The following CCDC50 variants were observed in gnomAD, a reference collection of about 807,000 sequenced individuals.
CCDC50 encodes coiled-coil domain containing 50, also known as coiled-coil domain-containing protein 50.
A neutral mutation model predicts 70.2 loss-of-function variants in CCDC50; 54 were observed. The observed-to-expected ratio is 0.77, with a 90% CI of 0.62 to 0.96. The LOEUF is 0.96. Among genes scored for constraint, CCDC50 ranks in the 50% least tolerant of loss-of-function variants. The probability of loss-of-function intolerance (pLI) is 0.00; values close to 1 mark genes in which losing one functional copy is unlikely to be tolerated. For missense variants in CCDC50, 558 were observed against 578.7 expected, an observed-to-expected ratio of 0.96 and a Z score of 0.37; for synonymous variants, 216 against 198.8, an observed-to-expected ratio of 1.09 and a Z score of -0.73.
At chr3:191,376,670 T>C (rs1713124093) in intron 6 of CCDC50, among the ~76,000 whole-genome samples, 1 of 152,160 alleles carries the variant, frequency 6.6e-6, no homozygotes, top group Non-Finnish European at 1.5e-5. Flanking sequence ...GCCACAAATA[T>C]CCTTGTCTTA....
At chr3:191,386,095 C>T (rs1211950351) in intron 10 of CCDC50, among the ~76,000 whole-genome samples, 1 of 151,840 alleles carries the variant, frequency 6.6e-6, no homozygotes, top group Non-Finnish European at 1.5e-5. Flanking sequence ...ATTGCCTCGG[C>T]TATGTGGCTC....
In CCDC50 at chr3:191,380,947, G is replaced by A. The variant is rs769610982; in HGVS notation, c.1242+15G>A. ...CCGAGTGGAAGGTAGAGTGTGTTTT[G>A]TTTGTTTTCTAATTAGAAATAAAAT... On this transcript the variant is annotated intron_variant, in intron 9 of 11. Coordinates refer to ENST00000392455, the MANE Select transcript of CCDC50 (RefSeq NM_178335.3). 5 of 1,596,130 alleles carry A rather than the reference G, an allele frequency of 3.1e-6. No individual in the cohort carries two copies. The South Asian group carries it at 4.5e-5, about 14-fold the overall frequency.
chr3:191,355,154 C>G (rs1019040367), intron 1 of CCDC50, among the ~76,000 whole-genome samples: 3 of 152,024 alleles, frequency 2.0e-5, no homozygotes, highest in African/African-American at 7.2e-5. Flanking sequence ...ATTTGAAAAT[C>G]ATTAAGAGTA....
chr3:191,381,726 A>T (rs1018067492), intron 9 of CCDC50, among the ~76,000 whole-genome samples: 1 of 152,106 alleles, frequency 6.6e-6, no homozygotes, highest in Non-Finnish European at 1.5e-5. Context: ...AATTCGTACA[A>T]TACAGGGTTT....
chr3:191,338,256 C>T (rs542515994), intron 1 of CCDC50, among the ~76,000 whole-genome samples: 2 of 152,280 alleles, frequency 1.3e-5, no homozygotes, highest in East Asian at 1.9e-4. Context: ...GTAGCATCTT[C>T]CCACCAAATA....
intron 1 of CCDC50, among the ~76,000 whole-genome samples, chr3:191,350,443 A>C (rs1286366537): frequency 7.0e-6 from 1 of 142,462 alleles, no homozygotes; most frequent in Non-Finnish European, 1.6e-5. Context: ...AGGTGAAAGA[A>C]ATAGCCTCTA....
chr3:191,336,608 C>T (rs1244821751), intron 1 of CCDC50, among the ~76,000 whole-genome samples: 3 of 152,016 alleles, frequency 2.0e-5, no homozygotes, highest in African/African-American at 7.2e-5. Flanking sequence ...CTTTTAAAAA[C>T]CTTAGTTCAA....
intron 10 of CCDC50, 77 bp from the exon 11 acceptor site, chr3:191,389,419 C>A: frequency 3.2e-6 from 4 of 1,236,892 alleles, no homozygotes; most frequent in Non-Finnish European, 4.8e-6. Flanking sequence ...ATGTTTTTAG[C>A]TTGCAATCCA....
At chr3:191,386,136 T>G (rs1356915720) in intron 10 of CCDC50, among the ~76,000 whole-genome samples, 1 of 152,148 alleles carries the variant, frequency 6.6e-6, no homozygotes, top group East Asian at 1.9e-4. Context: ...TTAAATAGTT[T>G]CTTTTAAATC....
intron 1 of CCDC50, among the ~76,000 whole-genome samples, chr3:191,333,466 G>A (rs976596079): frequency 1.3e-5 from 2 of 152,130 alleles, no homozygotes; most frequent in African/African-American, 2.4e-5. Flanking sequence ...AGATGGCAGT[G>A]TCCATGAGAT....
In CCDC50 at chr3:191,389,653, C is replaced by T. The variant is rs376258811; in HGVS notation, c.1429+51C>T. On this transcript the variant is annotated intron_variant, in intron 11 of 11. Coordinates refer to ENST00000392455, the MANE Select transcript of CCDC50 (RefSeq NM_178335.3). Reference sequence around the variant, plus strand: ...TTAGGATCTTCTTTTTTTATATAAGCCTCGTGTTGTAGTGGAAAAATCAAA... The same window carrying T: ...TTAGGATCTTCTTTTTTTATATAAGTCTCGTGTTGTAGTGGAAAAATCAAA... 42 of 1,367,588 alleles carry T rather than the reference C, an allele frequency of 3.1e-5. No homozygotes were observed. The Admixed American group carries it at 4.9e-4, about 16-fold the overall frequency. 84.7% of individuals were successfully genotyped at this position (1,367,588 alleles called of 1,614,324 possible). A position where few individuals can be genotyped will look rare whatever the true frequency, so the allele number is the denominator to read the frequency against.
intron 1 of CCDC50, among the ~76,000 whole-genome samples, chr3:191,329,954 G>GAT: frequency 7.2e-6 from 1 of 138,340 alleles, no homozygotes; most frequent in Middle Eastern, 3.7e-3. Flanking sequence ...GGGGGGGGGG[G>GAT]GGCTAGCAGC....
At chr3:191,361,926 C>T (rs1222790427) in intron 4 of CCDC50, among the ~76,000 whole-genome samples, 3 of 152,002 alleles carry the variant, frequency 2.0e-5, no homozygotes, top group African/African-American at 7.2e-5. Flanking sequence ...GCATTGCTCT[C>T]GTTCTTTCTC....
intron 11 of CCDC50, among the ~76,000 whole-genome samples, chr3:191,390,324 A>G (rs1713647457): frequency 6.6e-6 from 1 of 152,186 alleles, no homozygotes; most frequent in South Asian, 2.1e-4. Flanking sequence ...CAAAGCATAA[A>G]GAAAAAATAG....
intron 4 of CCDC50, among the ~76,000 whole-genome samples, chr3:191,366,173 A>AG (rs1190213882): frequency 6.6e-6 from 1 of 152,132 alleles, no homozygotes. Flanking sequence ...TTTTACTAAA[A>AG]GCAAGATAAG....
rs1264480228 is a variant in CCDC50 at position 191,349,856 on chromosome 3, A to G, written c.50-7232A>G. Among the ~76,000 whole-genome samples, 4 of 141,218 alleles carry G rather than the reference A, an allele frequency of 2.8e-5. 2 individuals are homozygous for G. Among genetic ancestry groups the G allele is most frequent in the African/African-American group, 1.0e-4 (4 of 39,716 alleles). 92.6% of individuals were successfully genotyped at this position (141,218 alleles called of 152,430 possible). A position where few individuals can be genotyped will look rare whatever the true frequency, so the allele number is the denominator to read the frequency against. ...CATTTTTATTTGCATTTTGGGGGAC[A>G]TGGAAACCACTTTCTGAATACATGT... On this transcript the variant is annotated intron_variant, in intron 1 of 11. Transcript: ENST00000392455.
At position 191,395,845 on chromosome 3, in the gene CCDC50, G is replaced by T. The variant is rs1003099383; in HGVS notation, c.*4085G>T. On this transcript the variant is annotated 3_prime_UTR_variant, in exon 12 of 12. Transcript: ENST00000392455. ...AAAATGGTCCAATTTTCTCATTTCT[G>T]GTGGTGCCTGTGAGTCTTAAAGCCA... is the stretch of plus-strand genomic sequence containing the variant. The T allele has an allele frequency of 1.3e-5, 2 of 152,068 alleles. No individual in the cohort carries two copies. The highest frequency in any genetic ancestry group is 2.9e-5 in the Non-Finnish European group (2 of 67,982). 9.4% of individuals were successfully genotyped at this position (152,068 alleles called of 1,614,324 possible).
At chr3:191,348,897 C>T (rs1455526860) in intron 1 of CCDC50, among the ~76,000 whole-genome samples, 2 of 142,236 alleles carry the variant, frequency 1.4e-5, no homozygotes, top group East Asian at 3.9e-4. Context: ...GAATTGCTCA[C>T]GTATTACTTA....
chr3:191,381,026 G>A, intron 9 of CCDC50, 94 bp downstream of exon 9: 1 of 901,316 alleles, frequency 1.1e-6, no homozygotes, highest in Non-Finnish European at 1.7e-6. Context: ...ATATATTTAG[G>A]ATATATGAAT....
Sources: gnomAD v4.1 joint callset for allele counts (sites outside exome capture counted in the v4.1 genomes callset) on GRCh38, gnomAD v4.1.1 for gene constraint, MANE v1.5 for transcripts, NCBI Gene and HGNC (gene_info 2026-07-23, HGNC 2026-07-21) for gene names.